Variants in BANK1 observed in about 807,000 individuals in gnomAD.
The protein encoded by BANK1 is B-cell scaffold protein with ankyrin repeats.
In BANK1, 95 loss-of-function variants were observed where a neutral mutation model predicts 94.5. That is an observed-to-expected ratio of 1.00 (90% confidence interval 0.85 to 1.19). BANK1 has a LOEUF of 1.19. Ranked by LOEUF, BANK1 falls within the 50% of genes most tolerant of loss-of-function variation. The pLI is 0.00. For synonymous variants in BANK1, 334 were observed against 308.4 expected, an observed-to-expected ratio of 1.08 and a Z score of -0.87; for missense variants, 987 against 932.2, an observed-to-expected ratio of 1.06 and a Z score of -0.77.
intron 5 of BANK1, among the ~76,000 whole-genome samples, chr4:101,890,329 AT>A (rs899349987): frequency 3.3e-5 from 5 of 151,584 alleles, no homozygotes; most frequent in African/African-American, 7.3e-5. Context: ...TTTCCTTCAC[AT>A]TTTTTGAAGT....
chr4:101,818,109 C>T (rs1725988489), intron 1 of BANK1, among the ~76,000 whole-genome samples: 2 of 152,050 alleles, frequency 1.3e-5, no homozygotes, highest in South Asian at 4.1e-4. Context: ...TTATATTTTA[C>T]ATATAAAATT....
At chr4:101,879,813 C>G (rs534657134) in intron 5 of BANK1, among the ~76,000 whole-genome samples, 4 of 151,952 alleles carry the variant, frequency 2.6e-5, no homozygotes, top group African/African-American at 9.7e-5. Flanking sequence ...TGTGATATAT[C>G]GTATCAACAG....
rs778218333 is a variant in BANK1, at chr4:102,030,300, T to A, written c.1900+35T>A. 6.6e-6 allele frequency: 10 copies of A among 1,523,492 alleles called. No homozygotes were observed. The South Asian group carries it at 9.5e-5, about 14-fold the overall frequency. 94.4% of individuals were successfully genotyped at this position (1,523,492 alleles called of 1,614,324 possible). On this transcript the variant is annotated intron_variant, in intron 10 of 16. Transcript: ENST00000322953. ...ATTGTTGTTTGTTTACTTGTTAATT[T>A]TTTTTGTCCAAAATTTTGAGGATGG...
At chr4:101,899,527 C>T (rs4493533) in intron 6 of BANK1, among the ~76,000 whole-genome samples, 70,659 of 151,890 alleles carry the variant, frequency 0.47, 16,954 homozygotes, top group African/African-American at 0.57. Context: ...TTTGAATCTT[C>T]CAAATTTTTT....
chr4:102,041,668 C>T (rs1011481260), intron 10 of BANK1, among the ~76,000 whole-genome samples: 15 of 151,956 alleles, frequency 9.9e-5, no homozygotes, highest in Admixed American at 9.2e-4. Flanking sequence ...GTCGTATTAT[C>T]AGCATTTTCA....
At chr4:101,936,317 A>G (rs980927483) in intron 7 of BANK1, among the ~76,000 whole-genome samples, 1 of 150,080 alleles carries the variant, frequency 6.7e-6, no homozygotes, top group Non-Finnish European at 1.5e-5. Context: ...ATATGTACAC[A>G]TATGTATCCA....
At chr4:102,053,493 A>T (rs544217295) in intron 11 of BANK1, among the ~76,000 whole-genome samples, 1 of 152,232 alleles carries the variant, frequency 6.6e-6, no homozygotes, top group East Asian at 1.9e-4. Context: ...TTGAGAAAAA[A>T]CTTCAACTTA....
At chr4:101,923,363 A>ATGTG (rs146011702) in intron 7 of BANK1, among the ~76,000 whole-genome samples, 1 of 150,872 alleles carries the variant, frequency 6.6e-6, no homozygotes, top group African/African-American at 2.4e-5. Context: ...ATATATATAT[A>ATGTG]TGTGTGTGTG....
At chr4:101,962,838 A>T in intron 7 of BANK1, among the ~76,000 whole-genome samples, 1 of 152,176 alleles carries the variant, frequency 6.6e-6, no homozygotes, top group South Asian at 2.1e-4. Flanking sequence ...GGTATATATT[A>T]CATGGTTTCC....
chr4:102,066,666 A>C (rs1353241415), intron 13 of BANK1, among the ~76,000 whole-genome samples: 1 of 152,244 alleles, frequency 6.6e-6, no homozygotes, highest in Non-Finnish European at 1.5e-5. Flanking sequence ...GAGATAATTC[A>C]TAGCAAAATT....
intron 13 of BANK1, 43 bp from the exon 14 acceptor site, chr4:102,071,232 A>G (rs2148968019): frequency 6.3e-7 from 1 of 1,597,032 alleles, no homozygotes. Context: ...TAAGATAAAT[A>G]TTGAACAAAA....
Position 102,025,438 on chromosome 4 carries a change from G to C in BANK1, c.1523G>C (p.Arg508Thr), listed in dbSNP as rs1727054374. Residue 508 changes from arginine to threonine, a missense_variant, in exon 9 of 17, where the codon AGA becomes ACA. Transcript: ENST00000322953. Reference sequence around the variant, plus strand: ...TCACAAGAGCCACTCATGAGCAGCAGACCTCCTCTCCCCCCGCCGCGACCT... The same window carrying C: ...TCACAAGAGCCACTCATGAGCAGCACACCTCCTCTCCCCCCGCCGCGACCT... ...NNSQEPLMSSRPPLPPPRPVA... is the reference protein window; with the variant it reads ...NNSQEPLMSSTPPLPPPRPVA... The C allele has an allele frequency of 3.1e-6, 5 of 1,613,868 alleles. No homozygotes were observed. In the Admixed American group the frequency reaches 5.0e-5, roughly 16 times the overall value.
intron 7 of BANK1, among the ~76,000 whole-genome samples, chr4:101,995,822 T>C (rs1725859160): frequency 6.6e-6 from 1 of 152,198 alleles, no homozygotes; most frequent in African/African-American, 2.4e-5. Flanking sequence ...TTTGTTTAAG[T>C]TCCTTGTAGA....
chr4:101,945,571 C>T (rs1221126480), intron 7 of BANK1, among the ~76,000 whole-genome samples: 1 of 151,722 alleles, frequency 6.6e-6, no homozygotes, highest in Admixed American at 6.6e-5. Context: ...CAATAGAATC[C>T]ATGAATCAAC....
intron 2 of BANK1, among the ~76,000 whole-genome samples, chr4:101,853,725 C>T (rs1057119863): frequency 2.0e-5 from 3 of 152,088 alleles, no homozygotes; most frequent in African/African-American, 7.2e-5. Context: ...CTTTTCTGGT[C>T]TGCTTGAGAC....
rs188466960 is a variant in BANK1, at chr4:102,073,796, G to A, written c.*5+48G>A. On this transcript the variant is annotated intron_variant, in intron 16 of 16. Coordinates refer to ENST00000322953, the MANE Select transcript of BANK1 (RefSeq NM_017935.5). The stretch of plus-strand genomic sequence containing the variant: ...TTTTTAGAAAATCTAAAGCAGCCTT[G>A]TTAGGGACTTGAAGGTATCATTTGT... 2.4e-5 allele frequency: 34 copies of A among 1,445,170 alleles called. No homozygotes were observed. The African/African-American group carries it at 4.4e-4, about 19-fold the overall frequency. 89.5% of individuals were successfully genotyped at this position (1,445,170 alleles called of 1,614,324 possible).
At chr4:101,915,797 C>G (rs1420644661) in intron 6 of BANK1, among the ~76,000 whole-genome samples, 1 of 151,994 alleles carries the variant, frequency 6.6e-6, no homozygotes, top group Non-Finnish European at 1.5e-5. Flanking sequence ...GTTTTAGAAG[C>G]ATGATAACCT....
chr4:101,983,989 T>C (rs1465168627), intron 7 of BANK1, among the ~76,000 whole-genome samples: 1 of 152,026 alleles, frequency 6.6e-6, no homozygotes, highest in Non-Finnish European at 1.5e-5. Flanking sequence ...GTTCTGACTG[T>C]ATTAAATCAC....
rs77940742 is a variant in BANK1, at chr4:102,004,448, A to G, written c.1207-17066A>G. 2.5e-3 allele frequency among the ~76,000 whole-genome samples: 378 copies of G among 152,304 alleles called. 8 individuals carry two copies. The East Asian group carries it at 0.061, about 25-fold the overall frequency. The stretch of plus-strand genomic sequence containing the variant: ...CTGCATTTCCAATCACGTCAAAAAT[A>G]TAACTTCTATAACCACTTTTCTTCT... On this transcript the variant is annotated intron_variant, in intron 7 of 16. Coordinates refer to ENST00000322953, the MANE Select transcript of BANK1 (RefSeq NM_017935.5).
Sources: gnomAD v4.1 joint callset for allele counts (sites outside exome capture counted in the v4.1 genomes callset) on GRCh38, gnomAD v4.1.1 for gene constraint, MANE v1.5 for transcripts, NCBI Gene and HGNC (gene_info 2026-07-23, HGNC 2026-07-21) for gene names.